The following SLC2A10 variants were observed in gnomAD, a reference collection of about 807,000 sequenced individuals.
The protein encoded by SLC2A10 is solute carrier family 2 member 10.
A neutral mutation model predicts 32.1 loss-of-function variants in SLC2A10; 25 were observed. The observed-to-expected ratio is 0.78, with a 90% CI of 0.57 to 1.09. SLC2A10 has a LOEUF of 1.09. Among genes scored for constraint, SLC2A10 ranks in the 50% least tolerant of loss-of-function variants. The pLI, the probability that SLC2A10 is intolerant of heterozygous loss-of-function variation, is 0.00. For synonymous variants in SLC2A10, 332 were observed against 309.6 expected, an observed-to-expected ratio of 1.07 and a Z score of -0.76; for missense variants, 673 against 686.5, an observed-to-expected ratio of 0.98 and a Z score of 0.22.
chr20:46,709,368 C>A (rs1978763314), upstream of SLC2A10: 2 of 345,622 alleles, frequency 5.8e-6, no homozygotes, highest in East Asian at 5.8e-5. Context: ...GAAGACAGTG[C>A]GTGTGGGGTC....
intron 1 of SLC2A10, among the ~76,000 whole-genome samples, chr20:46,711,315 C>T (rs1459519807): frequency 6.6e-6 from 1 of 152,144 alleles, no homozygotes; most frequent in South Asian, 2.1e-4. Flanking sequence ...CAAGGTCACA[C>T]AGCTATGGAG....
In SLC2A10 at chr20:46,732,560, G is replaced by T. The variant is rs556202178; in HGVS notation, c.1548-1196G>T. ...ATAAGGCAGGTTAACCTACCAGGGG[G>T]TGAACAGCAGATTTGGGAAATGGAT... On this transcript the variant is annotated intron_variant, in intron 4 of 4. Transcript: ENST00000359271. 7.9e-5 allele frequency among the ~76,000 whole-genome samples: 12 copies of T among 152,324 alleles called. No individual in the cohort carries two copies. The South Asian group carries it at 2.5e-3, about 32-fold the overall frequency.
Position 46,726,100 on chromosome 20 carries a change from C to T in SLC2A10, c.1064C>T (p.Pro355Leu), listed in dbSNP as rs1979926203. 1 of 1,614,262 alleles carries T rather than the reference C, an allele frequency of 6.2e-7. No individual in the cohort carries two copies. The highest frequency in any genetic ancestry group is 1.3e-5 in the African/African-American group (1 of 75,062). Residue 355 changes from proline (P) to leucine (L), a missense_variant, in exon 2 of 5, where the codon CCC becomes CTC. Transcript: ENST00000359271. Reference sequence around the variant, plus strand: ...CTGCTGCAGGACTCCTCTCTACCTCCCATTCCAAGGACCAATGAGGACCAA... The same window carrying T: ...CTGCTGCAGGACTCCTCTCTACCTCTCATTCCAAGGACCAATGAGGACCAA... The part of the protein sequence containing the change: ...SGLLQDSSLP[P>L]IPRTNEDQRE...
At position 46,729,464 on chromosome 20, in the gene SLC2A10, T is replaced by C. The variant is rs2123062541; in HGVS notation, c.1523T>C (p.Ile508Thr). 1 of 1,613,918 alleles carries C rather than the reference T, an allele frequency of 6.2e-7. No individual in the cohort carries two copies. Among genetic ancestry groups the C allele is most frequent in the Non-Finnish European group, 8.5e-7 (1 of 1,179,966 alleles). ...PETKGQSLAE[I>T]DQQFQKRRFT... ...ACAAAAGGCCAGTCGTTGGCAGAGA[T>C]AGACCAGCAGTTCCAGAAGAGACGG... The change falls in exon 4 of 5, where the codon ATA becomes ACA. Residue 508 changes from isoleucine to threonine, a missense_variant. Physicochemically the swap from Ile to Thr is moderately conservative, Grantham distance 89. Transcript: ENST00000359271.
intron 1 of SLC2A10, among the ~76,000 whole-genome samples, chr20:46,710,888 C>CT (rs200557356): frequency 0.039 from 5,855 of 148,968 alleles, 143 homozygotes; most frequent in East Asian, 0.17. Flanking sequence ...TTTTTTTTTT[C>CT]TTTTTTTTGA....
intron 1 of SLC2A10, among the ~76,000 whole-genome samples, chr20:46,716,743 G>A (rs1006190346): frequency 6.6e-6 from 1 of 152,124 alleles, no homozygotes; most frequent in African/African-American, 2.4e-5. Context: ...TTCAGGCTGG[G>A]CATGGTGGCT....
chr20:46,725,843 C>T lies in SLC2A10; in HGVS notation c.807C>T (p.Ala269=), dbSNP rs144705080. Residue 269 remains alanine (A), a synonymous_variant, in exon 2 of 5, where the codon GCC becomes GCT. Coordinates refer to ENST00000359271, the MANE Select transcript of SLC2A10 (RefSeq NM_030777.4). ...SSVGFHGGSS[A]VLASVGLGAV... ...TTGGTTTCCATGGGGGATCCTCAGC[C>T]GTGCTGGCCTCTGTGGGGCTTGGCG... 22 of 1,614,118 alleles carry T rather than the reference C, an allele frequency of 1.4e-5. No individual in the cohort carries two copies. The highest frequency in any genetic ancestry group is 4.0e-5 in the African/African-American group (3 of 74,948).
rs1339419586 is a variant in SLC2A10, at chr20:46,734,628, ACT to A, written c.*797_*798del. The A allele has an allele frequency of 6.6e-6, 1 of 151,868 alleles. No homozygotes were observed. The highest frequency in any genetic ancestry group is 2.4e-5 in the African/African-American group (1 of 41,294). 9.4% of individuals were successfully genotyped at this position (151,868 alleles called of 1,614,324 possible). ...CCAGAATATTTATCCTTCACCAGCA[ACT>A]CTGACTCTTTGACGGGAGGCCTCAG... On this transcript the variant is annotated 3_prime_UTR_variant, in exon 5 of 5. Coordinates refer to ENST00000359271, the MANE Select transcript of SLC2A10 (RefSeq NM_030777.4).
rs1978831917 is a variant in SLC2A10, at chr20:46,710,254, TGG to T, written c.4+516_4+517del. On this transcript the variant is annotated intron_variant, in intron 1 of 4. Coordinates refer to ENST00000359271, the MANE Select transcript of SLC2A10 (RefSeq NM_030777.4). Reference sequence around the variant, plus strand: ...AGGAGATTCTAACACAGCATTGGGGTGGGACGCGTGGGGAATGGCTTTGTTGC... The same window carrying T: ...AGGAGATTCTAACACAGCATTGGGGTGACGCGTGGGGAATGGCTTTGTTGC... 3 of 391,720 alleles carry T rather than the reference TGG, an allele frequency of 7.7e-6. No homozygotes were observed. The Admixed American group carries it at 1.3e-4, about 17-fold the overall frequency. The allele number at this position is 391,720 out of a possible 1,614,324, so 24.3% of individuals were successfully genotyped here.
At chr20:46,724,431 C>A (rs138882017) in intron 1 of SLC2A10, among the ~76,000 whole-genome samples, 312 of 151,712 alleles carry the variant, frequency 2.1e-3, no homozygotes, top group African/African-American at 7.2e-3. Flanking sequence ...GACTGATCAA[C>A]AAATTGATGG....
Position 46,733,748 on chromosome 20 carries a change from T to G in SLC2A10, c.1548-8T>G. The stretch of plus-strand genomic sequence containing the variant: ...ACCCCCTGATCCCACGCATTCTTTG[T>G]CTGACAGGTTCACCCTGAGCTTTGG... On this transcript the variant is annotated splice_polypyrimidine_tract_variant and splice_region_variant and intron_variant, in intron 4 of 4. Coordinates refer to ENST00000359271, the MANE Select transcript of SLC2A10 (RefSeq NM_030777.4). The G allele has an allele frequency of 6.2e-7, 1 of 1,613,758 alleles. No homozygotes were observed. Among genetic ancestry groups the G allele is most frequent in the Non-Finnish European group, 8.5e-7 (1 of 1,179,772 alleles).
chr20:46,709,691 G>A lies in SLC2A10; in HGVS notation c.-46G>A. ...TTGGGGACTCCGGCGGGGGATGCGC[G>A]CCCGGCCCCTCAGCGCCCCCAGCAC... On this transcript the variant is annotated 5_prime_UTR_variant, in exon 1 of 5. Coordinates refer to ENST00000359271, the MANE Select transcript of SLC2A10 (RefSeq NM_030777.4). 6.5e-7 allele frequency: 1 copy of A among 1,535,646 alleles called. No homozygotes were observed. The highest frequency in any genetic ancestry group is 8.8e-7 in the Non-Finnish European group (1 of 1,141,712).
At chr20:46,715,036 C>A (rs879352739) in intron 1 of SLC2A10, among the ~76,000 whole-genome samples, 1 of 152,148 alleles carries the variant, frequency 6.6e-6, no homozygotes, top group Non-Finnish European at 1.5e-5. Context: ...GCAGGCAGGT[C>A]AGCATTTCCA....
intron 4 of SLC2A10, 97 bp downstream of exon 4, chr20:46,729,585 G>A (rs1980167696): frequency 6.0e-6 from 8 of 1,342,140 alleles, no homozygotes; most frequent in African/African-American, 1.5e-5. Context: ...TTTTGCAAGC[G>A]GGCATTCCTC....
rs768512276 is a variant in SLC2A10 at position 46,725,300 on chromosome 20, C to T, written c.264C>T (p.Gly88=). The change falls in exon 2 of 5, where the codon GGC becomes GGT. Residue 88 remains glycine, a synonymous_variant. Coordinates refer to ENST00000359271, the MANE Select transcript of SLC2A10 (RefSeq NM_030777.4). ...ILGSNLVLLA[G]SLTLGLAGSL... ...GGAGCAACTTGGTGCTGCTGGCAGG[C>T]AGCCTGACCCTGGGCCTGGCTGGTT... 1.2e-6 allele frequency: 2 copies of T among 1,613,236 alleles called. No homozygotes were observed. Among genetic ancestry groups the T allele is most frequent in the Non-Finnish European group, 8.5e-7 (1 of 1,179,894 alleles).
chr20:46,712,093 T>C (rs1187947882), intron 1 of SLC2A10, among the ~76,000 whole-genome samples: 1 of 152,182 alleles, frequency 6.6e-6, no homozygotes, highest in Non-Finnish European at 1.5e-5. Flanking sequence ...ATAGTGATTG[T>C]CATAGGATTG....
At chr20:46,733,715 G>A in intron 4 of SLC2A10, 41 bp from the exon 5 acceptor site, 1 of 1,573,604 alleles carries the variant, frequency 6.4e-7, no homozygotes, top group Non-Finnish European at 8.7e-7. Flanking sequence ...ACGGCCCCAG[G>A]CCCTGCCACC....
chr20:46,732,918 T>A (rs1003081875), intron 4 of SLC2A10, among the ~76,000 whole-genome samples: 25 of 151,600 alleles, frequency 1.6e-4, no homozygotes, highest in Non-Finnish European at 2.9e-5. Context: ...GGCCCGGAGG[T>A]GGAAACAAGT....
chr20:46,722,714 A>G (rs1490138163), intron 1 of SLC2A10, among the ~76,000 whole-genome samples: 1 of 152,248 alleles, frequency 6.6e-6, no homozygotes, highest in African/African-American at 2.4e-5. Flanking sequence ...TGCCTGGCAC[A>G]TAGGGATCAG....
Sources: gnomAD v4.1 joint callset for allele counts (sites outside exome capture counted in the v4.1 genomes callset) on GRCh38, gnomAD v4.1.1 for gene constraint, MANE v1.5 for transcripts, NCBI Gene and HGNC (gene_info 2026-07-23, HGNC 2026-07-21) for gene names.